GRID1: variants seen among roughly 807,000 people sequenced by gnomAD.
GRID1 encodes glutamate receptor ionotropic, delta-1.
In GRID1, 28 loss-of-function variants were observed where a neutral mutation model predicts 98.0. That is an observed-to-expected ratio of 0.29 (90% confidence interval 0.21 to 0.39). The LOEUF is 0.39. Among genes scored for constraint, GRID1 ranks in the 10% least tolerant of loss-of-function variants. The probability of loss-of-function intolerance (pLI) is 1.00; values close to 1 mark genes in which losing one functional copy is unlikely to be tolerated. For synonymous variants in GRID1, 553 were observed against 538.5 expected (o/e 1.03, Z -0.37); for missense variants, 1,111 against 1,340.5 (o/e 0.83, Z 2.67).
chr10:85,794,042 G>A (rs900168414), intron 8 of GRID1, among the ~76,000 whole-genome samples: 25 of 152,086 alleles, frequency 1.6e-4, no homozygotes, highest in Admixed American at 3.3e-4. Context: ...AGTTCTCTCC[G>A]GGGTCTTTCC....
intron 8 of GRID1, among the ~76,000 whole-genome samples, chr10:85,825,437 T>C (rs1165474021): frequency 1.3e-5 from 2 of 152,190 alleles, no homozygotes; most frequent in Admixed American, 1.3e-4. Context: ...TGGATATTAG[T>C]CATTTGTCAG....
rs1477582185 is a variant in GRID1, at chr10:85,922,306, G to A, written c.727-6067C>T. ...TATTCCACTTGCATTTCTTAAGTGT[G>A]AGACTGTTTCTCTTTATCTTGGCCT... On this transcript the variant is annotated intron_variant, in intron 4 of 15. Coordinates refer to ENST00000327946, the MANE Select transcript of GRID1 (RefSeq NM_017551.3). Among the ~76,000 whole-genome samples, 5 of 152,190 alleles carry A rather than the reference G, an allele frequency of 3.3e-5. 1 individual carries two copies. Among genetic ancestry groups the A allele is most frequent in the Non-Finnish European group, 5.9e-5 (4 of 68,038 alleles).
intron 4 of GRID1, among the ~76,000 whole-genome samples, chr10:86,019,427 C>T (rs1843020975): frequency 6.6e-6 from 1 of 152,216 alleles, no homozygotes; most frequent in Non-Finnish European, 1.5e-5. Context: ...GGAGAGGGCT[C>T]CTGGGGACTG....
intron 2 of GRID1, among the ~76,000 whole-genome samples, chr10:86,306,799 CAG>C (rs1775338226): frequency 6.6e-6 from 1 of 152,226 alleles, no homozygotes. Context: ...CTAAAAGTTC[CAG>C]AGAGCCAGAC....
chr10:85,842,892 G>T (rs1333889085), intron 8 of GRID1, among the ~76,000 whole-genome samples: 4 of 151,896 alleles, frequency 2.6e-5, no homozygotes. Flanking sequence ...ATTTTATGAG[G>T]CTAATACTAC....
At chr10:86,295,055 G>A (rs149648284) in intron 2 of GRID1, among the ~76,000 whole-genome samples, 1,566 of 152,312 alleles carry the variant, frequency 0.01, 34 homozygotes, top group African/African-American at 0.036. Context: ...TCTGAGAGTC[G>A]TGAGGGCAAA....
intron 3 of GRID1, among the ~76,000 whole-genome samples, chr10:86,191,032 T>C (rs1038922799): frequency 2.0e-5 from 3 of 152,244 alleles, no homozygotes; most frequent in African/African-American, 7.2e-5. Flanking sequence ...CTGGGCTTTT[T>C]ATTTCTGTCA....
intron 4 of GRID1, among the ~76,000 whole-genome samples, chr10:86,050,266 AC>A (rs1843483017): frequency 6.6e-6 from 1 of 152,260 alleles, no homozygotes; most frequent in South Asian, 2.1e-4. Flanking sequence ...GGCAAAACCT[AC>A]TTGGAATTTA....
At position 86,007,398 on chromosome 10, in the gene GRID1, G is replaced by A. The variant is rs574218769; in HGVS notation, c.727-91159C>T. 1.1e-4 allele frequency among the ~76,000 whole-genome samples: 16 copies of A among 152,184 alleles called. No homozygotes were observed. The East Asian group carries it at 1.4e-3, about 13-fold the overall frequency. On this transcript the variant is annotated intron_variant, in intron 4 of 15. Coordinates refer to ENST00000327946, the MANE Select transcript of GRID1 (RefSeq NM_017551.3). The stretch of plus-strand genomic sequence containing the variant: ...GAGGCAGTGGTCGCAGCACCGCTCC[G>A]CACCCCCCCACCTCCAATATTGCTG...
intron 4 of GRID1, among the ~76,000 whole-genome samples, chr10:86,123,882 C>A (rs925625760): frequency 6.6e-6 from 1 of 152,164 alleles, no homozygotes. Flanking sequence ...CTCACCCCTG[C>A]GAACTTGCTC....
intron 3 of GRID1, among the ~76,000 whole-genome samples, chr10:86,193,309 T>G (rs1227518799): frequency 1.3e-5 from 2 of 152,090 alleles, no homozygotes. Context: ...ACAGGAACTG[T>G]GGTTGTGTGC....
chr10:86,041,682 T>C (rs1482405558), intron 4 of GRID1, among the ~76,000 whole-genome samples: 3 of 152,180 alleles, frequency 2.0e-5, no homozygotes, highest in Admixed American at 2.0e-4. Flanking sequence ...TTTCCTAATC[T>C]GTAAAATCTG....
intron 8 of GRID1, among the ~76,000 whole-genome samples, chr10:85,775,748 G>A (rs1842324863): frequency 6.6e-6 from 1 of 151,970 alleles, no homozygotes; most frequent in Non-Finnish European, 1.5e-5. Context: ...GTTGAAAAGG[G>A]GGTTGAGAAA....
chr10:86,246,659 T>C lies in GRID1; in HGVS notation c.236-40011A>G, dbSNP rs1018893193. Reference sequence around the variant, plus strand: ...ATCCACCCTCCACCGCCCAGAACCCTGTCCCACCCCCACGTACCTTGCACA... The same window carrying C: ...ATCCACCCTCCACCGCCCAGAACCCCGTCCCACCCCCACGTACCTTGCACA... On this transcript the variant is annotated intron_variant, in intron 2 of 15. Coordinates refer to ENST00000327946, the MANE Select transcript of GRID1 (RefSeq NM_017551.3). 5.3e-5 allele frequency among the ~76,000 whole-genome samples: 8 copies of C among 151,926 alleles called. 1 individual carries two copies. The South Asian group carries it at 1.0e-3, about 20-fold the overall frequency.
chr10:86,236,153 A>G (rs1223686936), intron 2 of GRID1, among the ~76,000 whole-genome samples: 1 of 152,222 alleles, frequency 6.6e-6, no homozygotes, highest in African/African-American at 2.4e-5. Context: ...ATTATTGAAC[A>G]TCTTTTCTGC....
intron 4 of GRID1, among the ~76,000 whole-genome samples, chr10:86,066,759 T>C (rs537464275): frequency 2.0e-5 from 3 of 152,314 alleles, no homozygotes; most frequent in East Asian, 1.9e-4. Context: ...GGAGGCTCTG[T>C]GTGCTCTTTC....
At chr10:85,902,769 G>A (rs1297354737) in intron 5 of GRID1, among the ~76,000 whole-genome samples, 2 of 152,156 alleles carry the variant, frequency 1.3e-5, no homozygotes, top group Admixed American at 1.3e-4. Flanking sequence ...TGGAGTTCTT[G>A]AGGGTTCTGT....
intron 4 of GRID1, among the ~76,000 whole-genome samples, chr10:85,986,887 G>C (rs1359671408): frequency 1.3e-5 from 2 of 152,138 alleles, no homozygotes; most frequent in Admixed American, 1.3e-4. Flanking sequence ...GTTCTGCTCT[G>C]TTCATTCCAC....
chr10:85,878,216 A>C (rs943231477), intron 5 of GRID1, among the ~76,000 whole-genome samples: 51 of 152,188 alleles, frequency 3.4e-4, no homozygotes, highest in African/African-American at 1.2e-3. Flanking sequence ...ATCCAGGAGA[A>C]CTTCCCCAAT....
Sources: gnomAD v4.1 joint callset for allele counts (sites outside exome capture counted in the v4.1 genomes callset) on GRCh38, gnomAD v4.1.1 for gene constraint, MANE v1.5 for transcripts, NCBI Gene and HGNC (gene_info 2026-07-23, HGNC 2026-07-21) for gene names.